The following NKAIN3 variants were observed in gnomAD, a reference collection of about 807,000 sequenced individuals.
The protein encoded by NKAIN3 is sodium/potassium transporting ATPase interacting 3, also known as sodium/potassium-transporting ATPase subunit beta-1-interacting protein 3.
NKAIN3 carries 25 observed loss-of-function variants against 30.2 expected under a neutral mutation model. The observed-to-expected ratio is 0.83, with a 90% CI of 0.60 to 1.16. The LOEUF (loss-of-function observed/expected upper bound fraction) is 1.16. NKAIN3 is among the 50% of genes most tolerant of loss of function. The probability of loss-of-function intolerance (pLI) is 0.00; values close to 1 mark genes in which losing one functional copy is unlikely to be tolerated. For synonymous variants in NKAIN3, 91 were observed against 89.6 expected (o/e 1.02, Z -0.09); for missense variants, 225 against 254.1 (o/e 0.89, Z 0.78).
intron 4 of NKAIN3, among the ~76,000 whole-genome samples, chr8:62,803,099 C>T (rs1458689208): frequency 6.6e-6 from 1 of 152,084 alleles, no homozygotes; most frequent in African/African-American, 2.4e-5. Context: ...TATGAGAGCA[C>T]CCAGATTCAT....
intron 1 of NKAIN3, among the ~76,000 whole-genome samples, chr8:62,576,353 A>G (rs536628635): frequency 2.0e-4 from 30 of 152,236 alleles, no homozygotes; most frequent in African/African-American, 7.2e-4. Flanking sequence ...GGAGCATCTT[A>G]CTGCCTTTAG....
intron 1 of NKAIN3, among the ~76,000 whole-genome samples, chr8:62,460,409 C>CT (rs1414053523): frequency 2.9e-4 from 25 of 86,874 alleles, no homozygotes; most frequent in African/African-American, 1.0e-3. Flanking sequence ...AAAATTCCAT[C>CT]TCAAAAAAAA....
intron 4 of NKAIN3, among the ~76,000 whole-genome samples, chr8:62,756,996 T>C (rs1233293089): frequency 2.0e-5 from 3 of 152,196 alleles, no homozygotes; most frequent in African/African-American, 7.2e-5. Context: ...ACATGAGTTA[T>C]GACATTTGGT....
At chr8:62,761,206 T>C (rs913135544) in intron 4 of NKAIN3, among the ~76,000 whole-genome samples, 1 of 152,144 alleles carries the variant, frequency 6.6e-6, no homozygotes, top group Non-Finnish European at 1.5e-5. Context: ...GAACTAATTG[T>C]AGAGAGTCAA....
intron 1 of NKAIN3, among the ~76,000 whole-genome samples, chr8:62,321,966 G>A (rs1251692069): frequency 6.6e-6 from 1 of 152,178 alleles, no homozygotes; most frequent in African/African-American, 2.4e-5. Flanking sequence ...TTGAGCTGCG[G>A]TGGGCTCTAC....
At chr8:62,662,511 A>G (rs937653979) in intron 3 of NKAIN3, among the ~76,000 whole-genome samples, 5 of 152,132 alleles carry the variant, frequency 3.3e-5, no homozygotes, top group Non-Finnish European at 7.4e-5. Context: ...TACTTTTTTT[A>G]CTAGAATCAT....
chr8:62,479,636 G>T (rs1391794141), intron 1 of NKAIN3, among the ~76,000 whole-genome samples: 1 of 152,122 alleles, frequency 6.6e-6, no homozygotes, highest in Non-Finnish European at 1.5e-5. Flanking sequence ...GGACTAAGAA[G>T]GTTCCAGAAA....
At chr8:62,597,080 A>G (rs868658272) in intron 3 of NKAIN3, among the ~76,000 whole-genome samples, 68 of 152,234 alleles carry the variant, frequency 4.5e-4, no homozygotes, top group Middle Eastern at 3.4e-3. Context: ...GCCACTACCC[A>G]TAAACAATGA....
intron 3 of NKAIN3, among the ~76,000 whole-genome samples, chr8:62,671,218 T>C (rs1175795614): frequency 2.6e-5 from 4 of 152,042 alleles, no homozygotes; most frequent in Non-Finnish European, 5.9e-5. Flanking sequence ...CTTCCCTTGA[T>C]GATTTGAGAT....
At chr8:62,720,311 CAT>C (rs1185714915) in intron 3 of NKAIN3, among the ~76,000 whole-genome samples, 3 of 152,056 alleles carry the variant, frequency 2.0e-5, no homozygotes, top group Non-Finnish European at 4.4e-5. Flanking sequence ...ATTACAGAAA[CAT>C]ATTCATTTCT....
chr8:62,654,358 T>C (rs1812706397), intron 3 of NKAIN3, among the ~76,000 whole-genome samples: 1 of 152,032 alleles, frequency 6.6e-6, no homozygotes, highest in Non-Finnish European at 1.5e-5. Context: ...ATAGGAGTTC[T>C]AGAAAAAGGC....
chr8:62,803,891 A>T (rs1421626306), intron 4 of NKAIN3, among the ~76,000 whole-genome samples: 1 of 152,152 alleles, frequency 6.6e-6, no homozygotes, highest in African/African-American at 2.4e-5. Flanking sequence ...AAGAAAAGAA[A>T]GAAGAATCAA....
chr8:62,849,085 T>C (rs558042802), intron 4 of NKAIN3, among the ~76,000 whole-genome samples: 127 of 152,264 alleles, frequency 8.3e-4, no homozygotes, highest in African/African-American at 2.8e-3. Flanking sequence ...TGAGGATTTT[T>C]GCATCGATGT....
chr8:62,410,037 G>C (rs1397227490), intron 1 of NKAIN3, among the ~76,000 whole-genome samples: 2 of 151,850 alleles, frequency 1.3e-5, no homozygotes, highest in African/African-American at 4.8e-5. Context: ...TTGTTACATG[G>C]GTACATTGCA....
chr8:62,326,318 C>G (rs1286504173), intron 1 of NKAIN3, among the ~76,000 whole-genome samples: 2 of 151,852 alleles, frequency 1.3e-5, no homozygotes, highest in African/African-American at 4.8e-5. Flanking sequence ...TGGACCCTTA[C>G]TGTACATTTG....
chr8:62,389,460 C>T (rs987400372), intron 1 of NKAIN3, among the ~76,000 whole-genome samples: 17 of 152,164 alleles, frequency 1.1e-4, no homozygotes, highest in African/African-American at 4.1e-4. Flanking sequence ...AGAAAGGTGT[C>T]TGTGTCTGGC....
intron 1 of NKAIN3, among the ~76,000 whole-genome samples, chr8:62,419,655 G>A (rs1373860105): frequency 6.6e-6 from 1 of 152,128 alleles, no homozygotes; most frequent in Non-Finnish European, 1.5e-5. Flanking sequence ...ATTTCTGTCT[G>A]CTCTCATGGC....
At chr8:62,590,022 G>A (rs987634421) in intron 3 of NKAIN3, among the ~76,000 whole-genome samples, 2 of 151,284 alleles carry the variant, frequency 1.3e-5, no homozygotes, top group African/African-American at 2.4e-5. Context: ...CTGCCTTCTG[G>A]TTTAGTTTGT....
chr8:62,290,998 T>G (rs554878193), intron 1 of NKAIN3, among the ~76,000 whole-genome samples: 4 of 152,334 alleles, frequency 2.6e-5, no homozygotes, highest in Admixed American at 2.6e-4. Flanking sequence ...TTTATCAACT[T>G]CTTCTAGATT....
Sources: gnomAD v4.1 joint callset for allele counts (sites outside exome capture counted in the v4.1 genomes callset) on GRCh38, gnomAD v4.1.1 for gene constraint, MANE v1.5 for transcripts, NCBI Gene and HGNC (gene_info 2026-07-23, HGNC 2026-07-21) for gene names.